Variants in SEL1L2 observed in about 807,000 individuals in gnomAD.
The protein encoded by SEL1L2 is SEL1L2 adaptor subunit of SYVN1 ubiquitin ligase.
Under a neutral mutation model 98.8 loss-of-function variants are expected in SEL1L2, and 89 were observed. The observed-to-expected ratio is 0.90, with a 90% CI of 0.76 to 1.07. SEL1L2 has a LOEUF of 1.07. Among genes scored for constraint, SEL1L2 ranks in the 50% least tolerant of loss-of-function variants. The probability of loss-of-function intolerance (pLI) is 0.00; values close to 1 mark genes in which losing one functional copy is unlikely to be tolerated. For missense variants in SEL1L2, 788 were observed against 812.0 expected, an observed-to-expected ratio of 0.97 and a Z score of 0.36; for synonymous variants, 262 against 278.5, an observed-to-expected ratio of 0.94 and a Z score of 0.59.
chr20:13,888,311 C>T (rs181395484), intron 6 of SEL1L2, 148 bp downstream of exon 6: 13 of 659,672 alleles, frequency 2.0e-5, no homozygotes, highest in East Asian at 2.0e-4. Context: ...AAACTTATGG[C>T]ATAAGAACAC....
intron 15 of SEL1L2, among the ~76,000 whole-genome samples, chr20:13,866,456 G>A (rs1361139785): frequency 5.3e-5 from 8 of 152,176 alleles, no homozygotes; most frequent in Non-Finnish European, 1.2e-4. Context: ...TGCATGTTGA[G>A]GTGAGCTCTG....
chr20:13,896,067 C>T (rs116093666), intron 5 of SEL1L2, among the ~76,000 whole-genome samples: 1,810 of 152,176 alleles, frequency 0.012, 40 homozygotes, highest in African/African-American at 0.041. Context: ...TCCAGTTATG[C>T]GGGAGGATGA....
At chr20:13,896,287 T>C (rs1326141422) in intron 5 of SEL1L2, among the ~76,000 whole-genome samples, 7 of 152,038 alleles carry the variant, frequency 4.6e-5, no homozygotes, top group East Asian at 1.9e-4. Flanking sequence ...CTGGCCAACA[T>C]GGTGAAACCC....
chr20:13,962,021 C>A, intron 1 of SEL1L2, among the ~76,000 whole-genome samples: 1 of 152,186 alleles, frequency 6.6e-6, no homozygotes, highest in East Asian at 1.9e-4. Flanking sequence ...TAAGGAACTT[C>A]ATCGACATCT....
At chr20:13,945,258 TTGACC>T (rs2049956120) in intron 2 of SEL1L2, among the ~76,000 whole-genome samples, 1 of 152,174 alleles carries the variant, frequency 6.6e-6, no homozygotes, top group East Asian at 1.9e-4. Flanking sequence ...GTGTGAAAAC[TTGACC>T]TGACCTTATG....
At chr20:13,850,028 A>G (rs1987962889) in intron 19 of SEL1L2, 163 bp downstream of exon 19, 3 of 700,962 alleles carry the variant, frequency 4.3e-6, no homozygotes, top group Non-Finnish European at 7.1e-6. Context: ...TACTCAATAG[A>G]ACATGCAGAA....
chr20:13,904,125 C>G (rs2047809728), intron 5 of SEL1L2, among the ~76,000 whole-genome samples: 1 of 152,228 alleles, frequency 6.6e-6, no homozygotes, highest in Non-Finnish European at 1.5e-5. Flanking sequence ...ACTCCTTAAA[C>G]TTGGAAATTG....
intron 10 of SEL1L2, among the ~76,000 whole-genome samples, chr20:13,884,658 C>T (rs918453988): frequency 1.3e-5 from 2 of 152,154 alleles, no homozygotes; most frequent in African/African-American, 4.8e-5. Context: ...CAGGCACGTG[C>T]CACCACGCCC....
chr20:13,944,801 T>A (rs2049938363), intron 2 of SEL1L2, among the ~76,000 whole-genome samples: 2 of 152,232 alleles, frequency 1.3e-5, no homozygotes, highest in South Asian at 4.1e-4. Context: ...TGATGGTGAT[T>A]TCTGAAATTG....
At chr20:13,897,803 T>C (rs1338921203) in intron 5 of SEL1L2, among the ~76,000 whole-genome samples, 3 of 151,852 alleles carry the variant, frequency 2.0e-5, no homozygotes, top group African/African-American at 7.3e-5. Flanking sequence ...AGGTGGAGGT[T>C]GAAGTGAGCC....
rs375709899 is a variant in SEL1L2, at chr20:13,859,302, T to C, written c.1778A>G (p.Asn593Ser). 1.1e-5 allele frequency: 17 copies of C among 1,614,054 alleles called. No homozygotes were observed. Among genetic ancestry groups the C allele is most frequent in the African/African-American group, 9.3e-5 (7 of 74,938 alleles). ...GCCGTGTTCATACATATAAGCCAGA[T>C]TGAACATGGCTTGCGCGTTGTGGTA... is the stretch of plus-strand genomic sequence containing the variant. ...NKYHNAQAMF[N>S]LAYMYEHGLG... The change falls in exon 18 of 20, where the codon AAT becomes AGT. Residue 593 changes from asparagine (N) to serine (S), a missense_variant. By Grantham distance (46) the Asn-to-Ser change is conservative. Coordinates refer to ENST00000284951, the MANE Select transcript of SEL1L2 (RefSeq NM_025229.2).
chr20:13,901,761 C>T (rs920670620), intron 5 of SEL1L2, among the ~76,000 whole-genome samples: 2 of 151,384 alleles, frequency 1.3e-5, no homozygotes, highest in East Asian at 2.0e-4. Flanking sequence ...TCCCAGGTTC[C>T]CGCCATTCTC....
At position 13,931,594 on chromosome 20, in the gene SEL1L2, T is replaced by C; in HGVS notation, c.283+9A>G. On this transcript the variant is annotated intron_variant, in intron 3 of 19. Transcript: ENST00000284951. The stretch of plus-strand genomic sequence containing the variant: ...TTTAAATTTACATGTGAAAAGATAT[T>C]CTACTTACAATGATTCTTATTTCTC... 7.5e-7 allele frequency: 1 copy of C among 1,327,168 alleles called. No individual in the cohort carries two copies. Among genetic ancestry groups the C allele is most frequent in the Non-Finnish European group, 1.0e-6 (1 of 977,796 alleles). The allele number at this position is 1,327,168 out of a possible 1,614,324, so 82.2% of individuals were successfully genotyped here.
chr20:13,867,973 C>G (rs754723089), intron 14 of SEL1L2, among the ~76,000 whole-genome samples: 34 of 152,010 alleles, frequency 2.2e-4, no homozygotes, highest in Non-Finnish European at 4.1e-4. Context: ...CCTGGCTCCT[C>G]CTCTGACATG....
chr20:13,887,982 AAGGTGTAATATATC>A lies in SEL1L2; in HGVS notation c.609_622del (p.Ile204TrpfsTer28), dbSNP rs762606108. On this transcript the variant is annotated frameshift_variant, in exon 7 of 20. Coordinates refer to ENST00000284951, the MANE Select transcript of SEL1L2 (RefSeq NM_025229.2). LOFTEE classifies it high-confidence loss of function. ...CATCATGTTTCCTCCAGCACTTCCA[AAGGTGTAATATATC>A]AGTGCCTAAAGTAAAAACAAACAAA... 6.2e-7 allele frequency: 1 copy of A among 1,613,742 alleles called. No homozygotes were observed. The highest frequency in any genetic ancestry group is 8.5e-7 in the Non-Finnish European group (1 of 1,179,856).
At chr20:13,865,605 CA>C in intron 15 of SEL1L2, 91 bp from the exon 16 acceptor site, 1 of 1,147,010 alleles carries the variant, frequency 8.7e-7, no homozygotes, top group East Asian at 2.4e-5. Context: ...CAGCTCCTAC[CA>C]GCTGGTCAGG....
At chr20:13,922,667 G>A (rs1385533616) in intron 3 of SEL1L2, among the ~76,000 whole-genome samples, 2 of 152,120 alleles carry the variant, frequency 1.3e-5, no homozygotes, top group Admixed American at 1.3e-4. Context: ...GAAAGCACCT[G>A]ATTTTTAGTC....
upstream of SEL1L2, among the ~76,000 whole-genome samples, chr20:13,991,181 A>G (rs1239412874): frequency 1.3e-5 from 2 of 152,232 alleles, no homozygotes; most frequent in Admixed American, 1.3e-4. Context: ...ATCAAAATGA[A>G]TATTTAGGGA....
At chr20:13,950,869 T>C (rs1021763469) in intron 2 of SEL1L2, among the ~76,000 whole-genome samples, 1 of 152,118 alleles carries the variant, frequency 6.6e-6, no homozygotes, top group Non-Finnish European at 1.5e-5. Flanking sequence ...TAGAAAATGC[T>C]TGAAAGGGTT....
Sources: allele counts gnomAD v4.1 joint callset (sites outside exome capture counted in the v4.1 genomes callset), GRCh38; gene constraint gnomAD v4.1.1; transcripts MANE v1.5; gene names NCBI Gene and HGNC (gene_info 2026-07-23, HGNC 2026-07-21).